The following TBL1X variants were observed in gnomAD, a reference collection of about 807,000 sequenced individuals.
TBL1X encodes transducin beta like 1 X-linked.
Under a neutral mutation model 50.7 loss-of-function variants are expected in TBL1X, and 10 were observed. That is an observed-to-expected ratio of 0.20 (90% CI 0.12 to 0.33). The LOEUF (loss-of-function observed/expected upper bound fraction) is 0.33. TBL1X is among the 10% of genes least tolerant of loss of function. The probability of loss-of-function intolerance (pLI) is 1.00; values close to 1 mark genes in which losing one functional copy is unlikely to be tolerated. For missense variants in TBL1X, 340 were observed against 504.4 expected, an observed-to-expected ratio of 0.67 and a Z score of 3.12; for synonymous variants, 190 against 214.7, an observed-to-expected ratio of 0.88 and a Z score of 1.01.
chrX:9,546,933 C>T (rs954333755), intron 2 of TBL1X, among the ~76,000 whole-genome samples: 16 of 102,471 alleles, frequency 1.6e-4, no homozygotes, highest in African/African-American at 3.9e-4. Context: ...ATTCTCCTGC[C>T]TCAGCCTCCC....
chrX:9,710,494 G>A (rs751616946), intron 15 of TBL1X, among the ~76,000 whole-genome samples: 1 of 111,664 alleles, frequency 9.0e-6, no homozygotes, highest in East Asian at 2.8e-4. Flanking sequence ...CTACACACTC[G>A]AGTTGTTTTG....
At chrX:9,600,799 T>G (rs1173823897) in intron 2 of TBL1X, among the ~76,000 whole-genome samples, 2 of 112,009 alleles carry the variant, frequency 1.8e-5, no homozygotes, top group Admixed American at 1.9e-4. Flanking sequence ...CACAGCATGC[T>G]CAATTCAGTC....
At chrX:9,490,891 A>T (rs1330750678) in intron 1 of TBL1X, among the ~76,000 whole-genome samples, 1 of 110,775 alleles carries the variant, frequency 9.0e-6, no homozygotes. Context: ...TTATGAGCTT[A>T]TTTTTTTTCT....
chrX:9,495,499 C>T (rs759505307), intron 1 of TBL1X, among the ~76,000 whole-genome samples: 3 of 111,026 alleles, frequency 2.7e-5, no homozygotes, highest in South Asian at 3.8e-4. Context: ...TCTGTAAAGT[C>T]GCTGAGACTT....
At chrX:9,505,462 G>A (rs1041439222) in intron 2 of TBL1X, among the ~76,000 whole-genome samples, 2 of 111,987 alleles carry the variant, frequency 1.8e-5, no homozygotes, top group Non-Finnish European at 3.8e-5. Flanking sequence ...AACCTTAAAT[G>A]TAAATGGGCT....
At chrX:9,514,854 A>G (rs1162013647) in intron 2 of TBL1X, among the ~76,000 whole-genome samples, 1 of 112,423 alleles carries the variant, frequency 8.9e-6, no homozygotes, top group African/African-American at 3.2e-5. Context: ...CAGAACATAA[A>G]TTGAGCAGAA....
At chrX:9,543,881 T>G (rs2082227977) in intron 2 of TBL1X, among the ~76,000 whole-genome samples, 1 of 111,759 alleles carries the variant, frequency 8.9e-6, no homozygotes, top group Non-Finnish European at 1.9e-5. Flanking sequence ...GCCACCACCC[T>G]TGAGTGACAG....
intron 1 of TBL1X, among the ~76,000 whole-genome samples, chrX:9,485,543 T>G (rs1424530501): frequency 8.9e-6 from 1 of 111,834 alleles, no homozygotes; most frequent in Non-Finnish European, 1.9e-5. Flanking sequence ...GAGTCTGCCC[T>G]CATTGGGCCT....
intron 6 of TBL1X, among the ~76,000 whole-genome samples, chrX:9,685,560 G>GCAGTCA (rs1452557610): frequency 1.8e-5 from 2 of 111,042 alleles, no homozygotes; most frequent in Non-Finnish European, 3.8e-5. Flanking sequence ...ATCCCACCTG[G>GCAGTCA]CAGTCACATT....
chrX:9,702,607 G>GAAAA (rs59896272), intron 12 of TBL1X, among the ~76,000 whole-genome samples: 2 of 70,062 alleles, frequency 2.9e-5, no homozygotes, highest in Admixed American at 1.6e-4. Flanking sequence ...TCATCTCCAA[G>GAAAA]AAAAAAAAAA....
intron 2 of TBL1X, among the ~76,000 whole-genome samples, chrX:9,534,400 T>G (rs896671421): frequency 9.0e-6 from 1 of 111,401 alleles, no homozygotes; most frequent in Non-Finnish European, 1.9e-5. Context: ...GTGCTTTCTG[T>G]GTACATTTGT....
chrX:9,697,130 G>A (rs1671676428), intron 11 of TBL1X, among the ~76,000 whole-genome samples: 1 of 112,306 alleles, frequency 8.9e-6, no homozygotes, highest in African/African-American at 3.2e-5. Context: ...TGTTGAAATG[G>A]TAATATTTGG....
At chrX:9,499,262 A>G (rs2081988014) in intron 1 of TBL1X, among the ~76,000 whole-genome samples, 1 of 111,726 alleles carries the variant, frequency 9.0e-6, no homozygotes, top group Non-Finnish European at 1.9e-5. Flanking sequence ...ATAGATTGAG[A>G]TGTCTGTCAC....
In TBL1X at chrX:9,717,972, A is replaced by G. The variant is rs1038893275; in HGVS notation, c.*1726A>G. 2 of 111,278 alleles carry G rather than the reference A, an allele frequency of 1.8e-5. No homozygotes were observed. The highest frequency in any genetic ancestry group is 3.8e-5 in the Non-Finnish European group (2 of 53,129). The allele number at this position is 111,278 out of a possible 1,213,427, so 9.2% of individuals were successfully genotyped here. On this transcript the variant is annotated 3_prime_UTR_variant, in exon 18 of 18. Coordinates refer to ENST00000645353, the MANE Select transcript of TBL1X (RefSeq NM_005647.4). ...TGTGTTCCTAGAAGAGCTTCATTTC[A>G]GTGAATCTGGTGACCTCCATCTGCT...
At chrX:9,592,505 G>T (rs1196289193) in intron 2 of TBL1X, among the ~76,000 whole-genome samples, 1 of 111,778 alleles carries the variant, frequency 8.9e-6, no homozygotes, top group African/African-American at 3.3e-5. Context: ...ACATTTGTAA[G>T]TGTACAATTC....
At chrX:9,714,524 T>C (rs1329466095) in intron 16 of TBL1X, among the ~76,000 whole-genome samples, 5 of 111,657 alleles carry the variant, frequency 4.5e-5, no homozygotes, top group African/African-American at 1.6e-4. Flanking sequence ...GAGTCAGGGA[T>C]GGCCCTTACA....
At chrX:9,688,827 C>A (rs1030583351) in intron 7 of TBL1X, among the ~76,000 whole-genome samples, 5 of 113,396 alleles carry the variant, frequency 4.4e-5, no homozygotes, top group African/African-American at 1.6e-4. Flanking sequence ...TCTATACACC[C>A]GTAGGGACGC....
At chrX:9,472,773 CATG>C (rs963740592) in intron 1 of TBL1X, among the ~76,000 whole-genome samples, 4 of 110,248 alleles carry the variant, frequency 3.6e-5, no homozygotes, top group African/African-American at 1.3e-4. Flanking sequence ...ATTAGCCAGG[CATG>C]GTGGTGGGCG....
At chrX:9,621,393 A>G (rs1235298974) in intron 2 of TBL1X, among the ~76,000 whole-genome samples, 2 of 112,186 alleles carry the variant, frequency 1.8e-5, no homozygotes, top group African/African-American at 6.5e-5. Context: ...AGATAAGAAT[A>G]TAGGGAACCA....
Sources: allele counts gnomAD v4.1 joint callset (sites outside exome capture counted in the v4.1 genomes callset), GRCh38; gene constraint gnomAD v4.1.1; transcripts MANE v1.5; gene names NCBI Gene and HGNC (gene_info 2026-07-23, HGNC 2026-07-21).